Variants in TMEM163 observed in about 807,000 individuals in gnomAD.
The protein encoded by TMEM163 is transmembrane protein 163.
A neutral mutation model predicts 29.3 loss-of-function variants in TMEM163; 17 were observed. The ratio of observed to expected loss-of-function variants is 0.58; its 90% CI spans 0.40 to 0.87. The LOEUF (loss-of-function observed/expected upper bound fraction) is 0.87. Among genes scored for constraint, TMEM163 ranks in the 40% least tolerant of loss-of-function variants. The pLI is 0.00. For missense variants in TMEM163, 303 were observed against 381.5 expected, an observed-to-expected ratio of 0.79 and a Z score of 1.71; for synonymous variants, 157 against 160.6, an observed-to-expected ratio of 0.98 and a Z score of 0.17.
In TMEM163 at chr2:134,605,517, G is replaced by C. The variant is rs1008221443; in HGVS notation, c.323-53426C>G. On this transcript the variant is annotated intron_variant, in intron 2 of 7. Coordinates refer to ENST00000281924, the MANE Select transcript of TMEM163 (RefSeq NM_030923.5). ...GTTCCACATCAGCCTGGCCAACATG[G>C]TGAAACCCCGTCTCTACTAAAAATA... Among the ~76,000 whole-genome samples, 18 of 151,964 alleles carry C rather than the reference G, an allele frequency of 1.2e-4. 1 individual carries two copies. The highest frequency in any genetic ancestry group is 7.4e-5 in the Non-Finnish European group (5 of 68,000).
At chr2:134,590,801 A>G (rs1016888844) in intron 2 of TMEM163, among the ~76,000 whole-genome samples, 7 of 152,156 alleles carry the variant, frequency 4.6e-5, no homozygotes, top group East Asian at 1.9e-4. Flanking sequence ...GAGACGAGAA[A>G]GGAAGAAACC....
At chr2:134,541,747 TGGATATACG>T in intron 4 of TMEM163, among the ~76,000 whole-genome samples, 7 of 150,082 alleles carry the variant, frequency 4.7e-5, no homozygotes, top group African/African-American at 1.7e-4. Context: ...AAAAGCTAAA[TGGATATACG>T]TGTGTGTACA....
chr2:134,524,555 G>A (rs982061552), intron 4 of TMEM163, among the ~76,000 whole-genome samples: 2 of 149,542 alleles, frequency 1.3e-5, no homozygotes, highest in African/African-American at 4.9e-5. Flanking sequence ...GCCCCAGTGT[G>A]TGTTCTTCCC....
chr2:134,566,240 A>G (rs1681298080), intron 2 of TMEM163, among the ~76,000 whole-genome samples: 1 of 152,200 alleles, frequency 6.6e-6, no homozygotes, highest in Non-Finnish European at 1.5e-5. Flanking sequence ...AAAAAACGAG[A>G]AGAAAATGAA....
intron 4 of TMEM163, among the ~76,000 whole-genome samples, chr2:134,509,560 C>T (rs1679903445): frequency 6.6e-6 from 1 of 152,258 alleles, no homozygotes; most frequent in African/African-American, 2.4e-5. Flanking sequence ...ACAGCGACCG[C>T]TTCACCAGGG....
chr2:134,640,720 T>A (rs1211331126), intron 2 of TMEM163, among the ~76,000 whole-genome samples: 4 of 152,038 alleles, frequency 2.6e-5, no homozygotes, highest in African/African-American at 9.7e-5. Context: ...ACAGCCCAGG[T>A]CTCTCAAAAC....
At chr2:134,541,010 A>G (rs1303366792) in intron 4 of TMEM163, among the ~76,000 whole-genome samples, 1 of 152,364 alleles carries the variant, frequency 6.6e-6, no homozygotes, top group Non-Finnish European at 1.5e-5. Context: ...AGACCAGTAC[A>G]TTAATTAAAT....
At chr2:134,616,200 C>G (rs1190492121) in intron 2 of TMEM163, among the ~76,000 whole-genome samples, 1 of 152,124 alleles carries the variant, frequency 6.6e-6, no homozygotes, top group African/African-American at 2.4e-5. Context: ...TCTGGAGGGC[C>G]AAAGAATGAC....
intron 4 of TMEM163, among the ~76,000 whole-genome samples, chr2:134,527,978 G>C (rs1370397928): frequency 6.6e-6 from 1 of 152,140 alleles, no homozygotes; most frequent in Non-Finnish European, 1.5e-5. Flanking sequence ...TGAGACAAAA[G>C]ACAGAATAGC....
At chr2:134,467,306 G>C (rs1686691651) in intron 5 of TMEM163, 1 of 152,092 alleles carries the variant, frequency 6.6e-6, no homozygotes, top group South Asian at 2.1e-4. Flanking sequence ...AGTTTGGGCT[G>C]GACTTAACAG....
intron 5 of TMEM163, among the ~76,000 whole-genome samples, chr2:134,476,555 T>C (rs1055505992): frequency 1.3e-5 from 2 of 152,230 alleles, no homozygotes; most frequent in African/African-American, 4.8e-5. Context: ...TAATTCAGCT[T>C]ATACACATAA....
intron 2 of TMEM163, among the ~76,000 whole-genome samples, chr2:134,685,350 A>AT (rs1684330841): frequency 6.6e-6 from 1 of 152,220 alleles, no homozygotes; most frequent in South Asian, 2.1e-4. Flanking sequence ...TTAATTTCTA[A>AT]TCCAGAAAGA....
intron 2 of TMEM163, among the ~76,000 whole-genome samples, chr2:134,645,113 C>G (rs1683305168): frequency 6.6e-6 from 1 of 152,150 alleles, no homozygotes; most frequent in African/African-American, 2.4e-5. Flanking sequence ...CTGCTTATAC[C>G]AAATGCTTAC....
chr2:134,656,920 A>C (rs1683633163), intron 2 of TMEM163, among the ~76,000 whole-genome samples: 1 of 152,220 alleles, frequency 6.6e-6, no homozygotes, highest in African/African-American at 2.4e-5. Flanking sequence ...GTTTTGAACC[A>C]GCCCTGTATC....
chr2:134,706,015 G>C (rs1356628882), intron 2 of TMEM163, among the ~76,000 whole-genome samples: 1 of 152,178 alleles, frequency 6.6e-6, no homozygotes, highest in South Asian at 2.1e-4. Context: ...ATTAAACGCT[G>C]TGTGAAGAAG....
At position 134,713,331 on chromosome 2, in the gene TMEM163, A is replaced by T; in HGVS notation, c.203-12T>A. The T allele has an allele frequency of 6.2e-7, 1 of 1,613,082 alleles. No individual in the cohort carries two copies. Among genetic ancestry groups the T allele is most frequent in the Non-Finnish European group, 8.5e-7 (1 of 1,179,766 alleles). ...GCTTTCTAGTAAGCCTGACAAAAAC[A>T]AGGAGAAAGGGAAGTTAGACATTTC... On this transcript the variant is annotated splice_polypyrimidine_tract_variant and intron_variant, in intron 1 of 7. Transcript: ENST00000281924.
At chr2:134,676,842 A>T (rs1290510773) in intron 2 of TMEM163, among the ~76,000 whole-genome samples, 2 of 152,240 alleles carry the variant, frequency 1.3e-5, no homozygotes, top group African/African-American at 4.8e-5. Flanking sequence ...AGACGAACAG[A>T]CCTTAATGGA....
At position 134,625,935 on chromosome 2, in the gene TMEM163, G is replaced by A. The variant is rs965010457; in HGVS notation, c.323-73844C>T. The stretch of plus-strand genomic sequence containing the variant: ...CCCAGAGTCCAGGTTTCCCATTGCT[G>A]CTATAACAAATGACCACAAATTTTA... On this transcript the variant is annotated intron_variant, in intron 2 of 7. Transcript: ENST00000281924. Among the ~76,000 whole-genome samples the A allele has an allele frequency of 3.9e-5, 6 of 152,012 alleles. No homozygotes were observed. The East Asian group carries it at 5.8e-4, about 15-fold the overall frequency.
At chr2:134,613,909 T>A (rs542460155) in intron 2 of TMEM163, among the ~76,000 whole-genome samples, 152 of 152,300 alleles carry the variant, frequency 1.0e-3, no homozygotes, top group African/African-American at 3.6e-3. Context: ...TTTTCAAAAT[T>A]TATTTATAGG....
Sources: allele counts gnomAD v4.1 joint callset (sites outside exome capture counted in the v4.1 genomes callset), GRCh38; gene constraint gnomAD v4.1.1; transcripts MANE v1.5; gene names NCBI Gene and HGNC (gene_info 2026-07-23, HGNC 2026-07-21).